HTATSF1: variants seen among roughly 807,000 people sequenced by gnomAD.
HTATSF1 encodes the protein HIV-1 Tat specific factor 1, also known as 17S U2 SnRNP complex component HTATSF1.
HTATSF1 carries 6 observed loss-of-function variants against 46.1 expected under a neutral mutation model. The ratio of observed to expected loss-of-function variants is 0.13; its 90% confidence interval spans 0.07 to 0.26. HTATSF1 has a LOEUF of 0.26. Among genes scored for constraint, HTATSF1 ranks in the 10% least tolerant of loss-of-function variants. The pLI is 1.00. For synonymous variants in HTATSF1, 226 were observed against 211.5 expected (o/e 1.07, Z -0.60); for missense variants, 452 against 559.9 (o/e 0.81, Z 1.94).
rs147796802 is a variant in HTATSF1 at position 136,500,689 on chromosome X, T to C, written c.441T>C (p.Asp147=). ...GTTTGCCTCCAGATATTACAGTGGA[T>C]GAATTTATACAACTTATGTCCAAGT... ...VSGLPPDITV[D]EFIQLMSKFG... Residue 147 remains aspartate, a synonymous_variant, in exon 4 of 9, where the codon GAT becomes GAC. Coordinates refer to ENST00000218364, the MANE Select transcript of HTATSF1 (RefSeq NM_014500.5). 178 of 1,146,759 alleles carry C rather than the reference T, an allele frequency of 1.6e-4. No individual in the cohort carries two copies. In the African/African-American group the frequency reaches 2.9e-3, roughly 19 times the overall value. The allele number at this position is 1,146,759 out of a possible 1,213,427, so 94.5% of individuals were successfully genotyped here.
intron 5 of HTATSF1, among the ~76,000 whole-genome samples, chrX:136,504,074 T>G (rs1035739910): frequency 1.8e-5 from 2 of 111,065 alleles, no homozygotes. Flanking sequence ...TTTCACCATG[T>G]TGGCCAGGCT....
chrX:136,499,798 A>G lies in HTATSF1; in HGVS notation c.367+20A>G. 9.0e-7 allele frequency: 1 copy of G among 1,117,065 alleles called. No individual in the cohort carries two copies. The allele number at this position is 1,117,065 out of a possible 1,213,427, so 92.1% of individuals were successfully genotyped here. A position where few individuals can be genotyped will look rare whatever the true frequency, so the allele number is the denominator to read the frequency against. On this transcript the variant is annotated intron_variant, in intron 2 of 8. Transcript: ENST00000218364. ...AGTCAGGTAAGTGGTTCTAGCTTAC[A>G]AATTTTAAGTGTAAAAATTAAAAAT...
intron 1 of HTATSF1, among the ~76,000 whole-genome samples, chrX:136,498,727 C>T (rs545655973): frequency 1.8e-5 from 2 of 112,680 alleles, no homozygotes; most frequent in South Asian, 7.3e-4. Context: ...TACGATTTCA[C>T]TTCTGTGTTG....
Position 136,500,209 on chromosome X carries a change from T to C in HTATSF1, c.415+4T>C, listed in dbSNP as rs1384411636. The C allele has an allele frequency of 2.1e-5, 23 of 1,071,493 alleles. No homozygotes were observed. The highest frequency in any genetic ancestry group is 2.8e-5 in the Non-Finnish European group (22 of 776,954). The allele number at this position is 1,071,493 out of a possible 1,213,427, so 88.3% of individuals were successfully genotyped here. A position where few individuals can be genotyped will look rare whatever the true frequency, so the allele number is the denominator to read the frequency against. On this transcript the variant is annotated splice_donor_region_variant and intron_variant, in intron 3 of 8. Transcript: ENST00000218364. ...AATACAAATGTATACGTGTCTGGTA[T>C]GTATAACTTTTTAAACAGGTTTAAG...
chrX:136,509,821 G>C (rs749925779), intron 7 of HTATSF1, among the ~76,000 whole-genome samples: 1 of 112,066 alleles, frequency 8.9e-6, no homozygotes, highest in Non-Finnish European at 1.9e-5. Context: ...CAATTATACT[G>C]TCCTGCTTCT....
chrX:136,507,728 A>G (rs2075749010), intron 6 of HTATSF1, among the ~76,000 whole-genome samples: 1 of 111,153 alleles, frequency 9.0e-6, no homozygotes, highest in Non-Finnish European at 1.9e-5. Context: ...TGAATAAAAG[A>G]GAGGTATTAG....
At chrX:136,509,961 C>A in intron 7 of HTATSF1, 121 bp from the exon 8 acceptor site, 1 of 599,372 alleles carries the variant, frequency 1.7e-6, no homozygotes, top group Non-Finnish European at 2.5e-6. Context: ...AGACTTCATA[C>A]ATAAAGTCTT....
At chrX:136,507,077 C>G (rs778581637) in intron 6 of HTATSF1, among the ~76,000 whole-genome samples, 2 of 111,728 alleles carry the variant, frequency 1.8e-5, no homozygotes, top group Non-Finnish European at 3.8e-5. Context: ...GGAAAACCTG[C>G]TTTTATTGCA....
intron 1 of HTATSF1, among the ~76,000 whole-genome samples, chrX:136,498,088 C>A (rs992318606): frequency 8.9e-6 from 1 of 112,477 alleles, no homozygotes; most frequent in African/African-American, 3.2e-5. Context: ...CTTTTCTATG[C>A]TTTATTAATC....
rs370765486 is a variant in HTATSF1 at position 136,511,041 on chromosome X, A to G, written c.1296A>G (p.Glu432=). ...AACCTATAGATGAGAAGAAGTTTGAAAAGACAGAAGATGGGGGAGAATTTG... is the reference window on the plus strand; with the variant it reads ...AACCTATAGATGAGAAGAAGTTTGAGAAGACAGAAGATGGGGGAGAATTTG... ...FEEPIDEKKF[E]KTEDGGEFEE... The change falls in exon 9 of 9, where the codon GAA becomes GAG. Residue 432 remains glutamate (E), a synonymous_variant. Coordinates refer to ENST00000218364, the MANE Select transcript of HTATSF1 (RefSeq NM_014500.5). The G allele has an allele frequency of 8.3e-7, 1 of 1,210,061 alleles. No homozygotes were observed. Among genetic ancestry groups the G allele is most frequent in the Non-Finnish European group, 1.1e-6 (1 of 895,307 alleles).
chrX:136,503,227 G>T (rs1412851639), intron 5 of HTATSF1, among the ~76,000 whole-genome samples: 1 of 111,703 alleles, frequency 9.0e-6, no homozygotes, highest in East Asian at 2.8e-4. Context: ...GATAGTTTAG[G>T]CTTATGTACC....
At position 136,499,739 on chromosome X, in the gene HTATSF1, G is replaced by A. The variant is rs148640044; in HGVS notation, c.328G>A (p.Asp110Asn). The change falls in exon 2 of 9, where the codon GAT becomes AAT. Residue 110 changes from aspartate (D) to asparagine (N), a missense_variant. By Grantham distance (23) the Asp-to-Asn change is conservative (BLOSUM62 1). Transcript: ENST00000218364. ...ACAAGAAAAAGCCCCGGAACCCACT[G>A]ATGCCAGAAAGAAGGGAGAAAAAAG... The part of the protein sequence containing the change: ...PPQEKAPEPT[D>N]ARKKGEKRKA... 1.1e-5 allele frequency: 13 copies of A among 1,183,439 alleles called. No homozygotes were observed. The African/African-American group carries it at 2.2e-4, about 20-fold the overall frequency.
intron 1 of HTATSF1, among the ~76,000 whole-genome samples, chrX:136,498,958 C>A (rs1358876696): frequency 8.9e-6 from 1 of 112,818 alleles, no homozygotes; most frequent in East Asian, 2.7e-4. Flanking sequence ...CGCTTTTCCC[C>A]CAAAGGGGAG....
chrX:136,506,219 C>T (rs1338993745), intron 6 of HTATSF1, among the ~76,000 whole-genome samples: 1 of 111,916 alleles, frequency 8.9e-6, no homozygotes, highest in East Asian at 2.8e-4. Context: ...TTTATTCTAC[C>T]TTGACCCCTA....
intron 5 of HTATSF1, among the ~76,000 whole-genome samples, chrX:136,503,814 A>C (rs1183972941): frequency 8.9e-6 from 1 of 111,811 alleles, no homozygotes; most frequent in Non-Finnish European, 1.9e-5. Context: ...GCCCTGAAAA[A>C]CATTTCATCT....
chrX:136,509,502 C>T (rs1416267314), intron 7 of HTATSF1, among the ~76,000 whole-genome samples: 1 of 111,887 alleles, frequency 8.9e-6, no homozygotes, highest in Non-Finnish European at 1.9e-5. Flanking sequence ...TTATTCTCAT[C>T]CTCCATATTT....
chrX:136,499,903 A>G (rs774662430), intron 2 of HTATSF1, 125 bp downstream of exon 2: 1 of 531,185 alleles, frequency 1.9e-6, no homozygotes, highest in East Asian at 3.9e-5. Context: ...TCTTTAAGGT[A>G]GTGTCAGTTA....
Position 136,502,759 on chromosome X carries a change from T to G in HTATSF1, c.571-19T>G. On this transcript the variant is annotated intron_variant, in intron 4 of 8. Coordinates refer to ENST00000218364, the MANE Select transcript of HTATSF1 (RefSeq NM_014500.5). ...ATTTCGTTGTATAACTGACTATATT[T>G]TGTCTTACATTTATAAAGAGAGAAT... is the stretch of plus-strand genomic sequence containing the variant. 9.4e-7 allele frequency: 1 copy of G among 1,058,728 alleles called. No individual in the cohort carries two copies. Among genetic ancestry groups the G allele is most frequent in the South Asian group, 2.8e-5 (1 of 35,966 alleles). 87.3% of individuals were successfully genotyped at this position (1,058,728 alleles called of 1,213,427 possible). A position where few individuals can be genotyped will look rare whatever the true frequency, so the allele number is the denominator to read the frequency against.
At position 136,511,853 on chromosome X, in the gene HTATSF1, A is replaced by G. The variant is rs35613299; in HGVS notation, c.2108A>G (p.Asn703Ser). 3.0e-4 allele frequency: 358 copies of G among 1,209,905 alleles called. No individual in the cohort carries two copies. The African/African-American group carries it at 3.9e-3, about 13-fold the overall frequency. ...DEKLFEDDDS[N>S]EKLFDEEEDS... is the part of the protein sequence containing the mutation. ...AAGTTGTTCGAAGATGATGATTCCA[A>G]TGAGAAGTTGTTTGATGAGGAGGAA... The change falls in exon 9 of 9, where the codon AAT (asparagine) becomes AGT (serine). Residue 703 changes from asparagine (N) to serine (S), a missense_variant. Asn to Ser is a conservative substitution (Grantham distance 46). Transcript: ENST00000218364.
Sources: gnomAD v4.1 joint callset for allele counts (sites outside exome capture counted in the v4.1 genomes callset) on GRCh38, gnomAD v4.1.1 for gene constraint, MANE v1.5 for transcripts, NCBI Gene and HGNC (gene_info 2026-07-23, HGNC 2026-07-21) for gene names.